The following ZNF541 variants were observed in gnomAD, a reference collection of about 807,000 sequenced individuals.
ZNF541 encodes zinc finger protein 541.
Under a neutral mutation model 123.5 loss-of-function variants are expected in ZNF541, and 23 were observed. That is an observed-to-expected ratio of 0.19 (90% CI 0.13 to 0.26). The LOEUF is 0.26. Ranked by LOEUF, ZNF541 falls within the 10% of genes least tolerant of loss-of-function variation. ZNF541 has a pLI of 1.00. For missense variants in ZNF541, 1,612 were observed against 1,789.9 expected, an observed-to-expected ratio of 0.90 and a Z score of 1.79; for synonymous variants, 751 against 754.5, an observed-to-expected ratio of 1.00 and a Z score of 0.08.
At chr19:47,532,860 G>A in intron 10 of ZNF541, 49 bp downstream of exon 10, 1 of 1,529,252 alleles carries the variant, frequency 6.5e-7, no homozygotes, top group Non-Finnish European at 8.9e-7. Context: ...AGTGACACTA[G>A]AACTCAAGGT....
At chr19:47,540,131 G>T in intron 7 of ZNF541, 45 bp downstream of exon 7, 3 of 1,528,810 alleles carry the variant, frequency 2.0e-6, no homozygotes, top group Non-Finnish European at 1.8e-6. Context: ...CCACAGGCCT[G>T]CCAGAAACCC....
intron 2 of ZNF541, among the ~76,000 whole-genome samples, chr19:47,569,479 C>G (rs187912645): frequency 6.6e-6 from 1 of 152,098 alleles, no homozygotes; most frequent in East Asian, 1.9e-4. Flanking sequence ...GAAACCCTTA[C>G]GCTTGCCCGC....
Position 47,532,240 on chromosome 19 carries a change from T to G in ZNF541, c.3189A>C (p.Ala1063=). ...ATCTCTCCTGGAGTTCCGGGATCTC[T>G]GCCTGAAACCGGCTTCCTATATTGA... ...PHINIGSRFQ[A]EIPELQERSL... is the part of the protein sequence containing the mutation. Residue 1063 remains alanine, a synonymous_variant, in exon 11 of 17, where the codon GCA becomes GCC. Transcript: ENST00000391901. 1 of 1,552,042 alleles carries G rather than the reference T, an allele frequency of 6.4e-7. No homozygotes were observed.
At chr19:47,557,022 T>C (rs1334647526) in intron 2 of ZNF541, among the ~76,000 whole-genome samples, 1 of 152,212 alleles carries the variant, frequency 6.6e-6, no homozygotes, top group Non-Finnish European at 1.5e-5. Flanking sequence ...CCTCCCAAAG[T>C]GCTGGGATTA....
rs1262900779 is a variant in ZNF541 at position 47,555,989 on chromosome 19, G to A, written c.-98-35C>T. On this transcript the variant is annotated intron_variant, in intron 2 of 16. Coordinates refer to ENST00000391901, the MANE Select transcript of ZNF541 (RefSeq NM_001277075.3). Reference sequence around the variant, plus strand: ...AAGCAAGAAGAATGAAAGTTATTAGGTGGCAAAACAGCATTGTGGGCAGAG... The same window carrying A: ...AAGCAAGAAGAATGAAAGTTATTAGATGGCAAAACAGCATTGTGGGCAGAG... 7.3e-6 allele frequency: 7 copies of A among 962,558 alleles called. No homozygotes were observed. The South Asian group carries it at 8.8e-5, about 12-fold the overall frequency. 59.6% of individuals were successfully genotyped at this position (962,558 alleles called of 1,614,324 possible). A position where few individuals can be genotyped will look rare whatever the true frequency, so the allele number is the denominator to read the frequency against.
At chr19:47,526,298 A>C (rs1048270828) in intron 14 of ZNF541, among the ~76,000 whole-genome samples, 6 of 152,064 alleles carry the variant, frequency 3.9e-5, no homozygotes, top group African/African-American at 1.2e-4. Flanking sequence ...CCTGGTCAAC[A>C]TAGCAAAACC....
Position 47,545,889 on chromosome 19 carries a change from G to A in ZNF541, c.640C>T (p.Arg214Cys). 6.5e-7 allele frequency: 1 copy of A among 1,548,970 alleles called. No homozygotes were observed. The highest frequency in any genetic ancestry group is 8.7e-7 in the Non-Finnish European group (1 of 1,145,958). ...SKSYCDYRSL[R>C]RHYEVHHGLC... ...CCGTGATGGACCTCGTAGTGCCGGCGCAGAGAGCGGTAGTCGCAGTAGCTC... is the reference window on the plus strand; with the variant it reads ...CCGTGATGGACCTCGTAGTGCCGGCACAGAGAGCGGTAGTCGCAGTAGCTC... The change falls in exon 5 of 17, where the codon CGC (arginine) becomes TGC (cysteine). Residue 214 changes from arginine to cysteine, a missense_variant. This residue lies in a region of ZNF541 where 212 missense variants were observed against 289.6 expected (regional missense o/e 0.73). Coordinates refer to ENST00000391901, the MANE Select transcript of ZNF541 (RefSeq NM_001277075.3). This position sits in a 1 kb window ranked among gnomAD's most constrained non-coding sequence, Gnocchi z 7.5.
chr19:47,563,178 C>T (rs1012755204), intron 2 of ZNF541, among the ~76,000 whole-genome samples: 2 of 152,166 alleles, frequency 1.3e-5, no homozygotes, highest in South Asian at 4.1e-4. Flanking sequence ...CATACAGGTA[C>T]GTAATCCCAT....
chr19:47,554,627 C>T (rs1001369189), intron 3 of ZNF541, among the ~76,000 whole-genome samples: 21 of 152,078 alleles, frequency 1.4e-4, no homozygotes, highest in South Asian at 2.1e-4. Context: ...CAGAAGGGAC[C>T]GGACCCCAGT....
chr19:47,532,744 T>C (rs1353222878), intron 10 of ZNF541, among the ~76,000 whole-genome samples, 165 bp downstream of exon 10: 1 of 152,092 alleles, frequency 6.6e-6, no homozygotes, highest in Non-Finnish European at 1.5e-5. Flanking sequence ...GGAATAATAT[T>C]GGGGGATCTT....
At chr19:47,549,725 G>A (rs2123216188) in intron 3 of ZNF541, among the ~76,000 whole-genome samples, 1 of 152,272 alleles carries the variant, frequency 6.6e-6, no homozygotes, top group African/African-American at 2.4e-5. Flanking sequence ...CCCTTCCAGA[G>A]CAGCATGACC....
intron 13 of ZNF541, among the ~76,000 whole-genome samples, chr19:47,529,266 C>A (rs1403305575): frequency 6.6e-6 from 1 of 152,146 alleles, no homozygotes; most frequent in East Asian, 1.9e-4. Flanking sequence ...GGTGGGGGCC[C>A]TGGCATCCTG....
chr19:47,568,070 C>T (rs533010682), intron 2 of ZNF541, among the ~76,000 whole-genome samples: 1 of 152,270 alleles, frequency 6.6e-6, no homozygotes, highest in East Asian at 1.9e-4. Context: ...CTCACAGTAT[C>T]TTGCCTAGCA....
chr19:47,521,498 G>A lies in ZNF541; in HGVS notation c.3868C>T (p.Pro1290Ser), dbSNP rs1263937885. 6.4e-7 allele frequency: 1 copy of A among 1,551,490 alleles called. No homozygotes were observed. Among genetic ancestry groups the A allele is most frequent in the Non-Finnish European group, 8.7e-7 (1 of 1,146,970 alleles). Residue 1290 changes from proline (P) to serine (S), a missense_variant, in exon 16 of 17, where the codon CCA (proline) becomes TCA (serine). By Grantham distance (74) the Pro-to-Ser change is moderately conservative (BLOSUM62 -1). Coordinates refer to ENST00000391901, the MANE Select transcript of ZNF541 (RefSeq NM_001277075.3). This position sits in a 1 kb window ranked among gnomAD's most constrained non-coding sequence, Gnocchi z 4.2. The part of the protein sequence containing the change: ...LGSAESQGIF[P>S]CRECERVFDK... ...GGGTACCTTTCACACTCTCTGCATG[G>A]AAAAATGCCCTGGCTCTCTGCACTT...
At position 47,549,310 on chromosome 19, in the gene ZNF541, T is replaced by G. The variant is rs939940075; in HGVS notation, c.483A>C (p.Thr161=). ...SASSLSKHYL[T]HSQERKHVCK... is the part of the protein sequence containing the mutation. Reference sequence around the variant, plus strand: ...AGACGTGCTTCCTTTCCTGGCTGTGTGTCAGGTAGTGCTTGCTCAGAGAAC... The same window carrying G: ...AGACGTGCTTCCTTTCCTGGCTGTGGGTCAGGTAGTGCTTGCTCAGAGAAC... Residue 161 remains threonine, a synonymous_variant, in exon 4 of 17, where the codon ACA becomes ACC. Transcript: ENST00000391901. The G allele has an allele frequency of 1.5e-5, 24 of 1,551,846 alleles. No homozygotes were observed. Among genetic ancestry groups the G allele is most frequent in the Non-Finnish European group, 2.0e-5 (23 of 1,147,028 alleles).
At chr19:47,565,053 G>A (rs1404960270) in intron 2 of ZNF541, among the ~76,000 whole-genome samples, 2 of 152,062 alleles carry the variant, frequency 1.3e-5, no homozygotes, top group Admixed American at 1.3e-4. Context: ...AAGTAACTCA[G>A]GAATGGAAAA....
intron 14 of ZNF541, among the ~76,000 whole-genome samples, chr19:47,524,569 G>A (rs1467914808): frequency 6.6e-6 from 1 of 152,020 alleles, no homozygotes; most frequent in African/African-American, 2.4e-5. Context: ...TTAGCCGGGT[G>A]TGGTGGCACG....
intron 2 of ZNF541, among the ~76,000 whole-genome samples, chr19:47,558,906 G>A (rs926106391): frequency 4.0e-5 from 6 of 151,810 alleles, no homozygotes; most frequent in East Asian, 2.0e-4. Flanking sequence ...CCCCGCGCCC[G>A]GCTAACTTTT....
Position 47,545,325 on chromosome 19 carries a change from C to T in ZNF541, c.1204G>A (p.Val402Ile). The change falls in exon 5 of 17, where the codon GTC becomes ATC. Residue 402 changes from valine (V) to isoleucine (I), a missense_variant. Coordinates refer to ENST00000391901, the MANE Select transcript of ZNF541 (RefSeq NM_001277075.3). The surrounding 1 kb of genome is among the most constrained non-coding windows in gnomAD (Gnocchi z 7.5). ...CTCGATGGCTGGGAACTGGCAGGGA[C>T]CGTCTGGCCTCGGAAGAGAGGCAGG... ...ACLPLFRGQTVPASSQPSSHS... is the reference protein window; with the variant it reads ...ACLPLFRGQTIPASSQPSSHS... The T allele has an allele frequency of 6.5e-7, 1 of 1,548,518 alleles. No homozygotes were observed. Among genetic ancestry groups the T allele is most frequent in the Non-Finnish European group, 8.7e-7 (1 of 1,146,306 alleles).
Sources: gnomAD v4.1 joint callset for allele counts (sites outside exome capture counted in the v4.1 genomes callset) on GRCh38, gnomAD v4.1.1 for gene constraint, gnomAD v4.1.1 regional missense constraint, Gnocchi (gnomAD v3.1) non-coding constraint, MANE v1.5 for transcripts, NCBI Gene and HGNC (gene_info 2026-07-23, HGNC 2026-07-21) for gene names.